Variants in OSBPL6 observed in about 807,000 individuals in gnomAD.
OSBPL6 encodes oxysterol-binding protein-related protein 6.
A neutral mutation model predicts 125.8 loss-of-function variants in OSBPL6; 49 were observed. That is an observed-to-expected ratio of 0.39 (90% CI 0.31 to 0.49). The LOEUF is 0.49. Among genes scored for constraint, OSBPL6 ranks in the 20% least tolerant of loss-of-function variants. OSBPL6 has a pLI of 0.88. For missense variants in OSBPL6, 986 were observed against 1,135.4 expected (o/e 0.87, Z 1.89); for synonymous variants, 394 against 391.8 (o/e 1.01, Z -0.07).
At chr2:178,287,063 T>C (rs1421447755) in intron 2 of OSBPL6, among the ~76,000 whole-genome samples, 1 of 151,972 alleles carries the variant, frequency 6.6e-6, no homozygotes, top group Non-Finnish European at 1.5e-5. Flanking sequence ...ATAGGGTCCT[T>C]ATAGGCATAG....
At chr2:178,301,079 T>C (rs1365269878) in intron 2 of OSBPL6, among the ~76,000 whole-genome samples, 1 of 151,986 alleles carries the variant, frequency 6.6e-6, no homozygotes, top group Non-Finnish European at 1.5e-5. Flanking sequence ...TTTGAACAAT[T>C]CAACCTGATC....
intron 1 of OSBPL6, among the ~76,000 whole-genome samples, chr2:178,213,760 C>G (rs972039587): frequency 6.6e-6 from 1 of 152,236 alleles, no homozygotes; most frequent in Non-Finnish European, 1.5e-5. Flanking sequence ...TAATTTACAA[C>G]AGCCCAGACT....
Position 178,401,898 on chromosome 2 carries a change from TTTTG to T in OSBPL6, c.*6347_*6350del, listed in dbSNP as rs1410215227. On this transcript the variant is annotated 3_prime_UTR_variant, in exon 25 of 25. Transcript: ENST00000190611. ...TCCTTTGTCCCTGTGCCTCAGTCTT[TTTTG>T]TTTGTTTTTTTTCATGTGACACTCA... 4.6e-5 allele frequency: 7 copies of T among 152,222 alleles called. No homozygotes were observed. The highest frequency in any genetic ancestry group is 1.7e-4 in the African/African-American group (7 of 41,432). The allele number at this position is 152,222 out of a possible 1,614,324, so 9.4% of individuals were successfully genotyped here.
In OSBPL6 at chr2:178,384,029, GT is replaced by G; in HGVS notation, c.1876-6del. The G allele has an allele frequency of 6.2e-7, 1 of 1,613,136 alleles. No homozygotes were observed. The highest frequency in any genetic ancestry group is 8.5e-7 in the Non-Finnish European group (1 of 1,179,160). ...CCTATATTATTCCCTTTTCTTCAATGTTTTAACAGGTTCTCGTTGCCGCATT... is the reference window on the plus strand; with the variant it reads ...CCTATATTATTCCCTTTTCTTCAATGTTTAACAGGTTCTCGTTGCCGCATT... On this transcript the variant is annotated splice_polypyrimidine_tract_variant and intron_variant, in intron 17 of 24. Transcript: ENST00000190611.
intron 5 of OSBPL6, 151 bp downstream of exon 5, chr2:178,328,529 C>A: frequency 1.1e-6 from 1 of 935,718 alleles, no homozygotes; most frequent in Non-Finnish European, 1.5e-6. Context: ...ACTCTGTTAC[C>A]CAAGCTGGAG....
chr2:178,270,290 T>G lies in OSBPL6; in HGVS notation c.-350-14637T>G, dbSNP rs1048744340. On this transcript the variant is annotated intron_variant, in intron 1 of 24. Transcript: ENST00000190611. ...CAGGGAGAATCATAAAGCATGACTA[T>G]GAATGATTTGAATCTGGAAATATGT... is the stretch of plus-strand genomic sequence containing the variant. 2.6e-5 allele frequency among the ~76,000 whole-genome samples: 4 copies of G among 152,316 alleles called. No homozygotes were observed. In the East Asian group the frequency reaches 7.7e-4, roughly 29 times the overall value.
At chr2:178,216,930 G>A (rs1574511037) in intron 1 of OSBPL6, among the ~76,000 whole-genome samples, 4 of 152,164 alleles carry the variant, frequency 2.6e-5, no homozygotes, top group African/African-American at 7.2e-5. Flanking sequence ...AGAAGAGATT[G>A]GATAACTAAA....
At chr2:178,278,524 G>C (rs1038593861) in intron 1 of OSBPL6, among the ~76,000 whole-genome samples, 5 of 152,164 alleles carry the variant, frequency 3.3e-5, no homozygotes, top group Non-Finnish European at 7.3e-5. Flanking sequence ...TAACTTCTTT[G>C]ATATGTAGTA....
intron 2 of OSBPL6, among the ~76,000 whole-genome samples, chr2:178,291,671 T>TTCC (rs1685278529): frequency 7.0e-6 from 1 of 143,116 alleles, no homozygotes; most frequent in African/African-American, 2.8e-5. Context: ...AGTCTCTTCC[T>TTCC]TCCTTCCTTC....
chr2:178,214,643 C>T (rs2090009549), intron 1 of OSBPL6, among the ~76,000 whole-genome samples: 2 of 152,148 alleles, frequency 1.3e-5, no homozygotes, highest in Non-Finnish European at 2.9e-5. Context: ...TTAGTCACAT[C>T]TACAAAATAC....
At chr2:178,298,212 C>G (rs1416757228) in intron 2 of OSBPL6, among the ~76,000 whole-genome samples, 1 of 152,158 alleles carries the variant, frequency 6.6e-6, no homozygotes, top group Non-Finnish European at 1.5e-5. Context: ...TCAGAATTTC[C>G]TTCCTTTTTA....
At chr2:178,218,702 C>T (rs1203469229) in intron 1 of OSBPL6, among the ~76,000 whole-genome samples, 2 of 151,088 alleles carry the variant, frequency 1.3e-5, no homozygotes, top group Non-Finnish European at 2.9e-5. Context: ...CGATCTCTGC[C>T]CCCTGCAACC....
At chr2:178,264,256 C>G (rs2092159160) in intron 1 of OSBPL6, among the ~76,000 whole-genome samples, 1 of 152,136 alleles carries the variant, frequency 6.6e-6, no homozygotes, top group Non-Finnish European at 1.5e-5. Context: ...AATGTCCAAA[C>G]TGATCATTAT....
chr2:178,324,905 G>T (rs776094086), intron 4 of OSBPL6, among the ~76,000 whole-genome samples: 2 of 152,166 alleles, frequency 1.3e-5, no homozygotes, highest in Non-Finnish European at 2.9e-5. Context: ...AGGTAAAATA[G>T]AACCTATGCG....
chr2:178,333,108 C>T, intron 8 of OSBPL6, 67 bp downstream of exon 8: 3 of 1,541,168 alleles, frequency 1.9e-6, no homozygotes, highest in Admixed American at 1.7e-5. Context: ...TTTGGCCAGG[C>T]ACTGTGGCTC....
At chr2:178,390,584 G>A (rs1313621903) in intron 21 of OSBPL6, among the ~76,000 whole-genome samples, 1 of 152,204 alleles carries the variant, frequency 6.6e-6, no homozygotes, top group Non-Finnish European at 1.5e-5. Context: ...GATCTGGAAG[G>A]GGAATCATGG....
chr2:178,234,304 T>A (rs979376353), intron 1 of OSBPL6, among the ~76,000 whole-genome samples: 6 of 152,242 alleles, frequency 3.9e-5, no homozygotes, highest in African/African-American at 1.2e-4. Flanking sequence ...ATTAAATATT[T>A]CACAGGTTGT....
At chr2:178,320,948 A>G (rs1688185969) in intron 3 of OSBPL6, among the ~76,000 whole-genome samples, 1 of 152,136 alleles carries the variant, frequency 6.6e-6, no homozygotes, top group African/African-American at 2.4e-5. Flanking sequence ...TCACAAAGTC[A>G]AGAGATCGAG....
intron 8 of OSBPL6, among the ~76,000 whole-genome samples, chr2:178,334,095 G>A (rs1689461099): frequency 6.6e-6 from 1 of 152,048 alleles, no homozygotes; most frequent in Admixed American, 6.5e-5. Flanking sequence ...AAGAGATGTT[G>A]TTTGTTAAAA....
Sources: allele counts gnomAD v4.1 joint callset (sites outside exome capture counted in the v4.1 genomes callset), GRCh38; gene constraint gnomAD v4.1.1; transcripts MANE v1.5; gene names NCBI Gene and HGNC (gene_info 2026-07-23, HGNC 2026-07-21).